PCDH15: variants seen among roughly 807,000 people sequenced by gnomAD.
PCDH15 encodes protocadherin related 15.
Under a neutral mutation model 178.5 loss-of-function variants are expected in PCDH15, and 129 were observed. The ratio of observed to expected loss-of-function variants is 0.72; its 90% CI spans 0.63 to 0.84. The LOEUF is 0.84. PCDH15 is among the 40% of genes least tolerant of loss of function. The pLI is 0.00. For synonymous variants in PCDH15, 800 were observed against 732.0 expected, an observed-to-expected ratio of 1.09 and a Z score of -1.50; for missense variants, 2,230 against 2,099.9, an observed-to-expected ratio of 1.06 and a Z score of -1.21.
chr10:55,075,570 G>A (rs1418355458), intron 2 of PCDH15, among the ~76,000 whole-genome samples: 1 of 151,722 alleles, frequency 6.6e-6, no homozygotes, highest in Non-Finnish European at 1.5e-5. Flanking sequence ...TCACCATGCT[G>A]GCCAAGATGG....
chr10:55,082,838 T>C (rs1228985164), intron 2 of PCDH15, among the ~76,000 whole-genome samples: 4 of 151,896 alleles, frequency 2.6e-5, no homozygotes, highest in Non-Finnish European at 4.4e-5. Context: ...CTAACCAAGA[T>C]TGAACTATCA....
intron 2 of PCDH15, among the ~76,000 whole-genome samples, chr10:55,618,472 C>T (rs748300541): frequency 6.6e-6 from 1 of 151,986 alleles, no homozygotes; most frequent in Non-Finnish European, 1.5e-5. Flanking sequence ...TCATGACAAA[C>T]ACTTTGATTA....
At chr10:55,097,132 C>T (rs1472382239) in intron 2 of PCDH15, among the ~76,000 whole-genome samples, 1 of 152,036 alleles carries the variant, frequency 6.6e-6, no homozygotes, top group African/African-American at 2.4e-5. Context: ...TATTATGTGT[C>T]CAGTACTCTA....
chr10:54,140,072 T>G (rs2133161336), intron 14 of PCDH15, among the ~76,000 whole-genome samples: 1 of 152,260 alleles, frequency 6.6e-6, no homozygotes, highest in East Asian at 1.9e-4. Flanking sequence ...GCTTAGATAA[T>G]AAAATATCCT....
Position 54,023,053 on chromosome 10 carries a change from C to T in PCDH15, c.2365G>A (p.Val789Ile). ...REVRDYYELV[V>I]VATDGAVHPR... ...TGTACTGCTCCATCTGTTGCCACAA[C>T]AACAAGTTCATAGTAGTCCCTGACT... The change falls in exon 19 of 38, where the codon GTT becomes ATT. Residue 789 changes from valine to isoleucine, a missense_variant. Transcript: ENST00000644397. 6.2e-7 allele frequency: 1 copy of T among 1,613,990 alleles called. No homozygotes were observed. Among genetic ancestry groups the T allele is most frequent in the Non-Finnish European group, 8.5e-7 (1 of 1,179,916 alleles).
intron 2 of PCDH15, among the ~76,000 whole-genome samples, chr10:55,487,203 T>G (rs1187240577): frequency 2.0e-5 from 3 of 151,672 alleles, no homozygotes; most frequent in Admixed American, 2.0e-4. Context: ...TCATTATTGC[T>G]TCAGTGGAAT....
At chr10:54,373,366 G>A (rs1054454648) in intron 4 of PCDH15, among the ~76,000 whole-genome samples, 2 of 151,814 alleles carry the variant, frequency 1.3e-5, no homozygotes, top group African/African-American at 4.8e-5. Context: ...GTGGAAGACA[G>A]TGAAAGGAAA....
intron 37 of PCDH15, chr10:53,809,220 A>G: frequency 6.2e-7 from 1 of 1,613,718 alleles, no homozygotes; most frequent in Non-Finnish European, 8.5e-7. Flanking sequence ...ACTCTTCTTC[A>G]CTGTATTCAG....
intron 2 of PCDH15, among the ~76,000 whole-genome samples, chr10:55,370,761 C>T (rs1460235660): frequency 9.9e-5 from 15 of 152,214 alleles, no homozygotes; most frequent in African/African-American, 3.6e-4. Flanking sequence ...CTCTTTCTTC[C>T]GATTATCTTC....
intron 2 of PCDH15, among the ~76,000 whole-genome samples, chr10:55,583,548 C>T (rs1397364432): frequency 1.3e-5 from 2 of 152,136 alleles, no homozygotes; most frequent in Non-Finnish European, 2.9e-5. Flanking sequence ...AACTTCCTGC[C>T]TCAGCCCCCC....
intron 2 of PCDH15, among the ~76,000 whole-genome samples, chr10:55,001,387 T>C (rs1839791055): frequency 6.6e-6 from 1 of 152,130 alleles, no homozygotes; most frequent in Non-Finnish European, 1.5e-5. Context: ...CACACACACT[T>C]GCCACGTTGT....
chr10:53,828,564 C>G lies in PCDH15; in HGVS notation c.4211+1G>C. 1 of 1,552,376 alleles carries G rather than the reference C, an allele frequency of 6.4e-7. No individual in the cohort carries two copies. Among genetic ancestry groups the G allele is most frequent in the Non-Finnish European group, 8.9e-7 (1 of 1,124,606 alleles). On this transcript the variant is annotated splice_donor_variant, in intron 31 of 37. Transcript: ENST00000644397. LOFTEE classifies it high-confidence loss of function. ...ATGTGTAAAATGTTAATTATACTTA[C>G]ACTTTAAACCTGTTTGGGAAAGCAA...
intron 1 of PCDH15, among the ~76,000 whole-genome samples, chr10:54,758,675 T>G (rs1947479582): frequency 6.6e-6 from 1 of 152,196 alleles, no homozygotes; most frequent in African/African-American, 2.4e-5. Flanking sequence ...GAATTAATTC[T>G]AGTTGTAGAA....
intron 1 of PCDH15, among the ~76,000 whole-genome samples, chr10:54,729,003 C>G (rs1199339884): frequency 6.6e-6 from 1 of 151,230 alleles, no homozygotes; most frequent in Non-Finnish European, 1.5e-5. Context: ...CTGTCCAAAG[C>G]TACTACAAAT....
intron 3 of PCDH15, among the ~76,000 whole-genome samples, chr10:54,429,755 T>C (rs1956742727): frequency 6.6e-6 from 1 of 152,132 alleles, no homozygotes; most frequent in Non-Finnish European, 1.5e-5. Flanking sequence ...AATTATATAA[T>C]GATAAAAGAA....
intron 1 of PCDH15, among the ~76,000 whole-genome samples, chr10:55,233,661 C>A (rs1403831597): frequency 5.3e-5 from 8 of 151,890 alleles, no homozygotes; most frequent in Admixed American, 5.2e-4. Context: ...CCTAGATATG[C>A]AAATTATAAA....
chr10:55,061,510 A>G (rs1010437816), intron 2 of PCDH15, among the ~76,000 whole-genome samples: 1 of 152,192 alleles, frequency 6.6e-6, no homozygotes, highest in Non-Finnish European at 1.5e-5. Context: ...TTACAACATT[A>G]AACAGCCTTC....
At position 54,862,676 on chromosome 10, in the gene PCDH15, T is replaced by A. The variant is rs185875028; in HGVS notation, c.-29+34774A>T. ...CTCTTTCAGGAATGAATTAGTTCCCTTAAAAGTAGGTCATTTAAAACAGCC... is the reference window on the plus strand; with the variant it reads ...CTCTTTCAGGAATGAATTAGTTCCCATAAAAGTAGGTCATTTAAAACAGCC... On this transcript the variant is annotated intron_variant, in intron 3 of 5. Transcript: ENST00000458638. Among the ~76,000 whole-genome samples the A allele has an allele frequency of 4.6e-4, 70 of 152,302 alleles. No individual in the cohort carries two copies. In the East Asian group the frequency reaches 0.011, roughly 25 times the overall value.
chr10:54,749,958 T>C (rs914629779), intron 1 of PCDH15, among the ~76,000 whole-genome samples: 3 of 152,046 alleles, frequency 2.0e-5, no homozygotes, highest in Non-Finnish European at 4.4e-5. Context: ...ACTTCCCTGA[T>C]CTCAGTTTTC....
Sources: allele counts gnomAD v4.1 joint callset (sites outside exome capture counted in the v4.1 genomes callset), GRCh38; gene constraint gnomAD v4.1.1; transcripts MANE v1.5; gene names NCBI Gene and HGNC (gene_info 2026-07-23, HGNC 2026-07-21).